RASGEF1C: variants seen among roughly 807,000 people sequenced by gnomAD.
The protein encoded by RASGEF1C is RasGEF domain family member 1C, also known as ras-GEF domain-containing family member 1C.
RASGEF1C carries 27 observed loss-of-function variants against 58.1 expected under a neutral mutation model. The ratio of observed to expected loss-of-function variants is 0.46; its 90% CI spans 0.34 to 0.64. The LOEUF is 0.64. Among genes scored for constraint, RASGEF1C ranks in the 30% least tolerant of loss-of-function variants. The pLI is 0.01. For missense variants in RASGEF1C, 502 were observed against 605.1 expected, an observed-to-expected ratio of 0.83 and a Z score of 1.79; for synonymous variants, 243 against 246.3, an observed-to-expected ratio of 0.99 and a Z score of 0.13.
intron 11 of RASGEF1C, among the ~76,000 whole-genome samples, chr5:180,112,580 G>A (rs1000545229): frequency 3.9e-5 from 6 of 152,086 alleles, no homozygotes; most frequent in Admixed American, 1.3e-4. Context: ...GTGGGGCCTC[G>A]CACCCACTGT....
Position 180,143,714 on chromosome 5 carries a change from A to G in RASGEF1C, c.-6-5656T>C, listed in dbSNP as rs114259514. 9.8e-3 allele frequency among the ~76,000 whole-genome samples: 1,494 copies of G among 152,326 alleles called. 23 individuals carry two copies. Among genetic ancestry groups the G allele is most frequent in the African/African-American group, 0.034 (1,429 of 41,572 alleles). ...TAAAAAGCCACTGATGGGGCCACAC[A>G]GTGAGTTAAAGCACAGTTAGAAATG... On this transcript the variant is annotated intron_variant, in intron 1 of 13. Coordinates refer to ENST00000361132, the MANE Select transcript of RASGEF1C (RefSeq NM_175062.4). This position sits in a 1 kb window ranked among gnomAD's most constrained non-coding sequence, Gnocchi z 4.3.
chr5:180,176,942 T>C (rs1767239389), intron 1 of RASGEF1C, among the ~76,000 whole-genome samples: 1 of 152,200 alleles, frequency 6.6e-6, no homozygotes, highest in Non-Finnish European at 1.5e-5. Flanking sequence ...CCGTCAGGGT[T>C]GGGCAGTGGT....
At chr5:180,120,939 C>T in intron 7 of RASGEF1C, 121 bp downstream of exon 7, 1 of 695,444 alleles carries the variant, frequency 1.4e-6, no homozygotes, top group Non-Finnish European at 2.6e-6. Flanking sequence ...CCCAGCCTGG[C>T]CTTGGACTTA....
chr5:180,141,706 G>A (rs1766582555), intron 1 of RASGEF1C, among the ~76,000 whole-genome samples: 1 of 142,360 alleles, frequency 7.0e-6, no homozygotes, highest in South Asian at 2.3e-4. Flanking sequence ...TATGTTATGT[G>A]TATTTTATCA....
At chr5:180,200,310 C>CTTTTTTTTTTT (rs762904367) in intron 1 of RASGEF1C, among the ~76,000 whole-genome samples, 9 of 90,236 alleles carry the variant, frequency 1.0e-4, no homozygotes, top group South Asian at 4.3e-4. Flanking sequence ...GTACATCATT[C>CTTTTTTTTTTT]TTTTTTTTTT....
chr5:180,152,669 A>T (rs907257117), intron 1 of RASGEF1C, among the ~76,000 whole-genome samples: 22 of 150,960 alleles, frequency 1.5e-4, no homozygotes, highest in South Asian at 4.2e-4. Flanking sequence ...CATATGTAAC[A>T]AACCTGCACG....
chr5:180,188,375 G>T (rs1756078675), intron 1 of RASGEF1C, among the ~76,000 whole-genome samples: 1 of 152,160 alleles, frequency 6.6e-6, no homozygotes, highest in African/African-American at 2.4e-5. Flanking sequence ...CTTTGGGGGT[G>T]ATGAAAATGT....
Position 180,197,538 on chromosome 5 carries a change from G to A in RASGEF1C, c.-7+11490C>T, listed in dbSNP as rs1581131375. Among the ~76,000 whole-genome samples, 3 of 152,172 alleles carry A rather than the reference G, an allele frequency of 2.0e-5. No homozygotes were observed. The highest frequency in any genetic ancestry group is 4.1e-4 in the South Asian group (2 of 4,830). On this transcript the variant is annotated intron_variant, in intron 1 of 13. Transcript: ENST00000361132. This position sits in a 1 kb window ranked among gnomAD's most constrained non-coding sequence, Gnocchi z 4.7. ...AAGACAGAGAGTGAGAGCAGTCCAC[G>A]CTCAAAAATAGCCCAGACTGTCAAC...
intron 1 of RASGEF1C, among the ~76,000 whole-genome samples, chr5:180,181,998 T>C (rs935319254): frequency 6.6e-6 from 1 of 151,458 alleles, no homozygotes; most frequent in East Asian, 2.0e-4. Context: ...GGTCAGGAGA[T>C]CGAGACCATC....
At chr5:180,173,295 T>C (rs1194905924) in intron 1 of RASGEF1C, among the ~76,000 whole-genome samples, 1 of 152,200 alleles carries the variant, frequency 6.6e-6, no homozygotes, top group African/African-American at 2.4e-5. Flanking sequence ...CCCCTCGACC[T>C]GGGGATGCCA....
At chr5:180,113,513 T>C (rs111161629) in intron 11 of RASGEF1C, among the ~76,000 whole-genome samples, 968 of 14,372 alleles carry the variant, frequency 0.067, 9 homozygotes, top group East Asian at 0.076. Flanking sequence ...GACGGAGGGA[T>C]CGGGGATGGA....
At chr5:180,149,088 C>CTTTTTTTTTTTTTTTTTTTTTTTTTTTTT (rs61204210) in intron 1 of RASGEF1C, among the ~76,000 whole-genome samples, 1 of 110,164 alleles carries the variant, frequency 9.1e-6, no homozygotes, top group African/African-American at 3.4e-5. Context: ...CTTTTTTTTT[C>CTTTTTTTTTTTTTTTTTTTTTTTTTTTTT]TTTTTTTTTT....
rs1267027446 is a variant in RASGEF1C, at chr5:180,158,900, T to A, written c.-6-20842A>T. Reference sequence around the variant, plus strand: ...CACTCATTTTTGGACCCCCTGGACTTGTCCTCCAATTTAAAAAATATTTTC... The same window carrying A: ...CACTCATTTTTGGACCCCCTGGACTAGTCCTCCAATTTAAAAAATATTTTC... On this transcript the variant is annotated intron_variant, in intron 1 of 13. Transcript: ENST00000361132. The surrounding 1 kb of genome is among the most constrained non-coding windows in gnomAD (Gnocchi z 4.0). 1.3e-5 allele frequency among the ~76,000 whole-genome samples: 2 copies of A among 152,164 alleles called. No homozygotes were observed. The highest frequency in any genetic ancestry group is 2.9e-5 in the Non-Finnish European group (2 of 68,024).
At position 180,125,806 on chromosome 5, in the gene RASGEF1C, T is replaced by C. The variant is rs138179413; in HGVS notation, c.714+1803A>G. The stretch of plus-strand genomic sequence containing the variant: ...CATCTCAAAAAAAAAAAGCTAATCT[T>C]AATTGCTAATATAAATATTGATAAA... On this transcript the variant is annotated intron_variant, in intron 6 of 13. Coordinates refer to ENST00000361132, the MANE Select transcript of RASGEF1C (RefSeq NM_175062.4). Among the ~76,000 whole-genome samples the C allele has an allele frequency of 1.2e-4, 18 of 152,164 alleles. No individual in the cohort carries two copies. The East Asian group carries it at 3.1e-3, about 26-fold the overall frequency.
chr5:180,140,141 C>G (rs569844929), intron 1 of RASGEF1C, among the ~76,000 whole-genome samples: 1 of 152,290 alleles, frequency 6.6e-6, no homozygotes, highest in African/African-American at 2.4e-5. Context: ...GTGTTCAGAT[C>G]CAGCTCTGCT....
chr5:180,107,991 A>G (rs1370300304), intron 12 of RASGEF1C, among the ~76,000 whole-genome samples: 1 of 151,992 alleles, frequency 6.6e-6, no homozygotes, highest in Non-Finnish European at 1.5e-5. Context: ...GGGTTTCTTT[A>G]GTTTTTCCTT....
At chr5:180,141,940 C>A (rs1021995873) in intron 1 of RASGEF1C, among the ~76,000 whole-genome samples, 2 of 152,226 alleles carry the variant, frequency 1.3e-5, no homozygotes, top group African/African-American at 4.8e-5. Context: ...GATCTCCTGA[C>A]CTCATATCAC....
chr5:180,135,049 C>A (rs1050481326), intron 4 of RASGEF1C, among the ~76,000 whole-genome samples: 11 of 136,932 alleles, frequency 8.0e-5, no homozygotes, highest in South Asian at 2.5e-4. Context: ...GTCCCCACCC[C>A]CCCCGTCCAA....
chr5:180,138,707 C>G (rs888452333), intron 1 of RASGEF1C, among the ~76,000 whole-genome samples: 1 of 152,134 alleles, frequency 6.6e-6, no homozygotes, highest in Non-Finnish European at 1.5e-5. Context: ...ACCTGGCATT[C>G]TGGGCTCTTT....
Sources: allele counts gnomAD v4.1 joint callset (sites outside exome capture counted in the v4.1 genomes callset), GRCh38; gene constraint gnomAD v4.1.1; non-coding constraint Gnocchi (gnomAD v3.1); transcripts MANE v1.5; gene names NCBI Gene and HGNC (gene_info 2026-07-23, HGNC 2026-07-21).